The following CACNA1H variants were observed in gnomAD, a reference collection of about 807,000 sequenced individuals.
CACNA1H encodes the protein calcium voltage-gated channel subunit alpha1 H.
Under a neutral mutation model 192.5 loss-of-function variants are expected in CACNA1H, and 149 were observed. The ratio of observed to expected loss-of-function variants is 0.77; its 90% CI spans 0.68 to 0.89. CACNA1H has a LOEUF of 0.89. Ranked by LOEUF, CACNA1H falls within the 40% of genes least tolerant of loss-of-function variation. The probability of loss-of-function intolerance (pLI) is 0.00; values close to 1 mark genes in which losing one functional copy is unlikely to be tolerated. For synonymous variants in CACNA1H, 2,202 were observed against 1,475.2 expected (o/e 1.49, Z -11.29); for missense variants, 4,257 against 3,423.5 (o/e 1.24, Z -6.08).
Position 1,209,283 on chromosome 16 carries a change from G to A in CACNA1H, c.3615G>A (p.Arg1205=). ...RAESLDPRPL[R]PAALPPTKCR... ...AGTCCCTGGACCCACGGCCCCTGCG[G>A]CCGGCCGCCCTCCCGCCTACCAAGT... Residue 1205 remains arginine, a synonymous_variant, in exon 17 of 35, where the codon CGG becomes CGA. Transcript: ENST00000348261. The A allele has an allele frequency of 6.4e-7, 1 of 1,565,188 alleles. No homozygotes were observed. The highest frequency in any genetic ancestry group is 1.8e-5 in the Admixed American group (1 of 54,178).
rs1275932281 is a variant in CACNA1H, at chr16:1,215,262, C to G, written c.5060C>G (p.Ala1687Gly). Reference protein sequence around the residue: ...FKDRWNQLDLAIVLLSLMGIT... With the variant: ...FKDRWNQLDLGIVLLSLMGIT... ...CACAGGTGGAACCAGCTGGACCTGGCCATCGTGCTGCTGTCACTCATGGGC... is the reference window on the plus strand; with the variant it reads ...CACAGGTGGAACCAGCTGGACCTGGGCATCGTGCTGCTGTCACTCATGGGC... The change falls in exon 29 of 35, where the codon GCC (alanine) becomes GGC (glycine). Residue 1687 changes from alanine to glycine, a missense_variant. Physicochemically the swap from Ala to Gly is moderately conservative, Grantham distance 60. Coordinates refer to ENST00000348261, the MANE Select transcript of CACNA1H (RefSeq NM_021098.3). 2 of 1,605,226 alleles carry G rather than the reference C, an allele frequency of 1.2e-6. No individual in the cohort carries two copies. Among genetic ancestry groups the G allele is most frequent in the Non-Finnish European group, 1.7e-6 (2 of 1,176,148 alleles).
chr16:1,181,817 G>A (rs1464509131), intron 2 of CACNA1H, among the ~76,000 whole-genome samples: 4 of 152,020 alleles, frequency 2.6e-5, no homozygotes, highest in Non-Finnish European at 4.4e-5. Flanking sequence ...TTGTGTGTGG[G>A]GTGAGCCCGG....
At chr16:1,156,847 T>A (rs985004517) in intron 2 of CACNA1H, 5 of 152,202 alleles carry the variant, frequency 3.3e-5, no homozygotes, top group African/African-American at 1.2e-4. Context: ...GGGTAGACGC[T>A]CAGCACCAGG....
Position 1,198,607 on chromosome 16 carries a change from G to A in CACNA1H, c.644-8G>A. On this transcript the variant is annotated splice_region_variant and splice_polypyrimidine_tract_variant and intron_variant, in intron 5 of 34. Coordinates refer to ENST00000348261, the MANE Select transcript of CACNA1H (RefSeq NM_021098.3). ...TAGCAGTGCCAATCCTGGCCCTGCT[G>A]CCCACAGGCATGCGGATCCTGGTCA... 2.5e-6 allele frequency: 4 copies of A among 1,612,176 alleles called. No individual in the cohort carries two copies. The highest frequency in any genetic ancestry group is 3.4e-6 in the Non-Finnish European group (4 of 1,179,566).
At chr16:1,159,120 C>T (rs951856912) in intron 2 of CACNA1H, among the ~76,000 whole-genome samples, 1 of 152,230 alleles carries the variant, frequency 6.6e-6, no homozygotes, top group African/African-American at 2.4e-5. Flanking sequence ...GGGAGCCGTG[C>T]AGAGTGGGGA....
chr16:1,168,523 G>A lies in CACNA1H; in HGVS notation c.299+14487G>A, dbSNP rs552173873. 1.1e-4 allele frequency among the ~76,000 whole-genome samples: 16 copies of A among 152,116 alleles called. 1 individual carries two copies. In the South Asian group the frequency reaches 3.3e-3, roughly 32 times the overall value. On this transcript the variant is annotated intron_variant, in intron 2 of 34. Transcript: ENST00000348261. ...GGTGCCCAGGTCACCCCAGAGCTGGGGAGATGCACCCTGGAGGCAGGGAGG... is the reference window on the plus strand; with the variant it reads ...GGTGCCCAGGTCACCCCAGAGCTGGAGAGATGCACCCTGGAGGCAGGGAGG...
chr16:1,203,570 G>A (rs1469023448), intron 9 of CACNA1H, among the ~76,000 whole-genome samples: 1 of 152,168 alleles, frequency 6.6e-6, no homozygotes, highest in African/African-American at 2.4e-5. Flanking sequence ...GAACTAGTGG[G>A]TTTAGAACAG....
chr16:1,210,236 C>T (rs376311894), intron 18 of CACNA1H, 101 bp downstream of exon 18: 7 of 1,257,978 alleles, frequency 5.6e-6, no homozygotes, highest in Middle Eastern at 1.9e-4. Context: ...TGGATATTTC[C>T]GAGTGGGCAC....
At chr16:1,193,730 G>A (rs1221042483) in intron 2 of CACNA1H, among the ~76,000 whole-genome samples, 1 of 152,240 alleles carries the variant, frequency 6.6e-6, no homozygotes, top group African/African-American at 2.4e-5. Flanking sequence ...GTGGCCTGGA[G>A]CCGTGGCACT....
intron 2 of CACNA1H, among the ~76,000 whole-genome samples, chr16:1,157,425 C>T (rs570130698): frequency 4.7e-4 from 71 of 152,340 alleles, no homozygotes; most frequent in Non-Finnish European, 8.1e-4. Context: ...TTTGGCAGAG[C>T]GCTGCCTGGG....
In CACNA1H at chr16:1,218,261, C is replaced by T. The variant is rs1331333229; in HGVS notation, c.5497C>T (p.Pro1833Ser). Residue 1833 changes from proline (P) to serine (S), a missense_variant, in exon 33 of 35, where the codon CCG (proline) becomes TCG (serine). Coordinates refer to ENST00000348261, the MANE Select transcript of CACNA1H (RefSeq NM_021098.3). ...REDKHCLSYL[P>S]ALSPVYFVTF... ...GGACAAGCACTGCCTGAGCTACCTG[C>T]CGGCCCTGTCGCCCGTCTACTTCGT... 1 of 1,551,256 alleles carries T rather than the reference C, an allele frequency of 6.4e-7. No individual in the cohort carries two copies. The highest frequency in any genetic ancestry group is 8.7e-7 in the Non-Finnish European group (1 of 1,147,456).
intron 2 of CACNA1H, among the ~76,000 whole-genome samples, chr16:1,161,726 C>T (rs904158936): frequency 6.6e-6 from 1 of 152,224 alleles, no homozygotes; most frequent in African/African-American, 2.4e-5. Context: ...GATAGGCTGT[C>T]AGCCCCGTCC....
Position 1,210,589 on chromosome 16 carries a change from G to T in CACNA1H, c.3976G>T (p.Val1326Phe). 2 of 1,608,856 alleles carry T rather than the reference G, an allele frequency of 1.2e-6. No homozygotes were observed. The highest frequency in any genetic ancestry group is 1.7e-6 in the Non-Finnish European group (2 of 1,179,790). The change falls in exon 20 of 35, where the codon GTC becomes TTC. Residue 1326 changes from valine to phenylalanine, a missense_variant. Val to Phe is a conservative substitution (Grantham distance 50, BLOSUM62 -1). Coordinates refer to ENST00000348261, the MANE Select transcript of CACNA1H (RefSeq NM_021098.3). ...PDIDPGSTER[V>F]FLSVSNYIFT... ...CACCGTCCTCTCCCGGCAGGAGCGG[G>T]TCTTCCTCAGCGTCTCCAATTACAT... is the stretch of plus-strand genomic sequence containing the variant.
intron 27 of CACNA1H, among the ~76,000 whole-genome samples, chr16:1,214,289 C>T (rs764584835): frequency 3.9e-5 from 6 of 152,236 alleles, no homozygotes; most frequent in South Asian, 2.1e-4. Flanking sequence ...CCTGCATCCT[C>T]TCCTTTCCTC....
chr16:1,219,945 G>T, intron 34 of CACNA1H, 36 bp from the exon 35 acceptor site: 1 of 1,270,416 alleles, frequency 7.9e-7, no homozygotes, highest in Middle Eastern at 2.2e-4. Context: ...GCTCTCCCAG[G>T]GCCCCGCCCC....
Position 1,200,184 on chromosome 16 carries a change from C to T in CACNA1H, c.804-72C>T. The T allele has an allele frequency of 7.8e-6, 10 of 1,277,940 alleles. No homozygotes were observed. In the South Asian group the frequency reaches 1.4e-4, roughly 18 times the overall value. The allele number at this position is 1,277,940 out of a possible 1,614,324, so 79.2% of individuals were successfully genotyped here. On this transcript the variant is annotated intron_variant, in intron 6 of 34. Coordinates refer to ENST00000348261, the MANE Select transcript of CACNA1H (RefSeq NM_021098.3). ...CTGACCTTGATCACGTCCCTGATCA[C>T]AATCGTGCCCCCGACTCTGACCGTC... is the stretch of plus-strand genomic sequence containing the variant.
intron 2 of CACNA1H, among the ~76,000 whole-genome samples, chr16:1,155,451 GGT>G (rs1962211277): frequency 6.6e-6 from 1 of 152,218 alleles, no homozygotes; most frequent in Non-Finnish European, 1.5e-5. Context: ...GAGGTGACTG[GGT>G]GTGGGGTTAG....
Position 1,198,725 on chromosome 16 carries a change from TG to T in CACNA1H, c.757del (p.Ala253LeufsTer20). ...FIFGIVGVQL[W>X]AGLLRNRCFL... Reference sequence around the variant, plus strand: ...TTTCGGCATCGTTGGCGTCCAGCTCTGGGCTGGCCTCCTGCGGAACCGCTGC... The same window carrying T: ...TTTCGGCATCGTTGGCGTCCAGCTCTGGCTGGCCTCCTGCGGAACCGCTGC... On this transcript the variant is annotated frameshift_variant, in exon 6 of 35. Transcript: ENST00000348261. LOFTEE classifies it high-confidence loss of function. The T allele has an allele frequency of 6.2e-7, 1 of 1,613,176 alleles. No homozygotes were observed. The highest frequency in any genetic ancestry group is 8.5e-7 in the Non-Finnish European group (1 of 1,179,580).
In CACNA1H at chr16:1,199,616, G is replaced by A. The variant is rs1020466565; in HGVS notation, c.804-640G>A. ...ACACCTTACCCCAGGGTCTCCCCTCGGCCCTTGCTCTGCAGTCTCTCCTCA... is the reference window on the plus strand; with the variant it reads ...ACACCTTACCCCAGGGTCTCCCCTCAGCCCTTGCTCTGCAGTCTCTCCTCA... On this transcript the variant is annotated intron_variant, in intron 6 of 34. Coordinates refer to ENST00000348261, the MANE Select transcript of CACNA1H (RefSeq NM_021098.3). Among the ~76,000 whole-genome samples, 3 of 144,084 alleles carry A rather than the reference G, an allele frequency of 2.1e-5. No homozygotes were observed. In the South Asian group the frequency reaches 6.7e-4, roughly 32 times the overall value. The allele number at this position is 144,084 out of a possible 152,430, so 94.5% of individuals were successfully genotyped here. A position where few individuals can be genotyped will look rare whatever the true frequency, so the allele number is the denominator to read the frequency against.
Sources: allele counts gnomAD v4.1 joint callset (sites outside exome capture counted in the v4.1 genomes callset), GRCh38; gene constraint gnomAD v4.1.1; transcripts MANE v1.5; gene names NCBI Gene and HGNC (gene_info 2026-07-23, HGNC 2026-07-21).